TMEM272: variants seen among roughly 807,000 people sequenced by gnomAD.
The protein encoded by TMEM272 is transmembrane protein 272, also known as long intergenic non-protein coding RNA 282.
A neutral mutation model predicts 3.7 loss-of-function variants in TMEM272; 8 were observed. The ratio of observed to expected loss-of-function variants is 2.17; its 90% CI spans 1.27 to 3.91. TMEM272 has a LOEUF of 3.91. Among genes scored for constraint, TMEM272 ranks in the 30% most tolerant of loss-of-function variants. The pLI is 0.00. For missense variants in TMEM272, 166 were observed against 91.5 expected, an observed-to-expected ratio of 1.81 and a Z score of -3.32; for synonymous variants, 63 against 39.8, an observed-to-expected ratio of 1.58 and a Z score of -2.20.
the TMEM272 span, among the ~76,000 whole-genome samples, chr13:51,851,021 A>G: frequency 4.8e-3 from 725 of 152,222 alleles, 3 homozygotes; most frequent in Middle Eastern, 0.02. Flanking sequence ...TATATATTTG[A>G]TGTATGGTTA....
chr13:51,867,901 T>A, the TMEM272 span, among the ~76,000 whole-genome samples: 1 of 152,162 alleles, frequency 6.6e-6, no homozygotes. Flanking sequence ...GGAACCCCAG[T>A]GCAGAGAAAA....
the TMEM272 span, chr13:51,866,258 T>G: frequency 3.5e-6 from 2 of 576,824 alleles, no homozygotes. Flanking sequence ...CTGGCTGCAT[T>G]TTTTCCAGGT....
At chr13:51,864,801 G>C in the TMEM272 span, among the ~76,000 whole-genome samples, 1 of 152,110 alleles carries the variant, frequency 6.6e-6, no homozygotes, top group Non-Finnish European at 1.5e-5. Flanking sequence ...CATGTCCCTG[G>C]AAACATTCAC....
chr13:51,863,045 G>A, the TMEM272 span, among the ~76,000 whole-genome samples: 177 of 152,328 alleles, frequency 1.2e-3, no homozygotes, highest in African/African-American at 3.9e-3. Context: ...TGGAGGGTCC[G>A]AGTAGCTTTC....
chr13:51,923,114 T>C, the TMEM272 span, among the ~76,000 whole-genome samples: 1 of 152,196 alleles, frequency 6.6e-6, no homozygotes, highest in African/African-American at 2.4e-5. Context: ...GATGGCAATG[T>C]AACCTCACGT....
the TMEM272 span, among the ~76,000 whole-genome samples, chr13:51,897,281 C>T: frequency 6.6e-6 from 1 of 151,720 alleles, no homozygotes; most frequent in Admixed American, 6.6e-5. Flanking sequence ...TCACTGTAGC[C>T]CTGACCTAGG....
chr13:51,843,929 G>C (rs1449199465), intron 1 of TMEM272, among the ~76,000 whole-genome samples: 1 of 152,166 alleles, frequency 6.6e-6, no homozygotes, highest in African/African-American at 2.4e-5. Flanking sequence ...TCAACCAGAG[G>C]TGATCTGATC....
the TMEM272 span, among the ~76,000 whole-genome samples, chr13:51,897,434 G>C: frequency 1.2e-4 from 14 of 119,522 alleles, no homozygotes; most frequent in African/African-American, 4.4e-4. Context: ...GGCTGATCTT[G>C]AACTCCTGGG....
the TMEM272 span, among the ~76,000 whole-genome samples, chr13:51,925,937 G>A: frequency 1.3e-5 from 2 of 152,110 alleles, no homozygotes; most frequent in Non-Finnish European, 2.9e-5. Context: ...ATGGTGTGGT[G>A]CATATATGTA....
intron 4 of TMEM272, among the ~76,000 whole-genome samples, chr13:51,818,756 T>C (rs575816240): frequency 6.6e-6 from 1 of 152,360 alleles, no homozygotes; most frequent in Admixed American, 6.5e-5. Context: ...TGGAGAGTTA[T>C]TACTTATGTA....
At chr13:51,883,823 T>G in the TMEM272 span, among the ~76,000 whole-genome samples, 2 of 152,232 alleles carry the variant, frequency 1.3e-5, no homozygotes, top group East Asian at 3.8e-4. Flanking sequence ...TACACCTGGC[T>G]TGTGTTTGCC....
At chr13:51,880,585 C>T in the TMEM272 span, among the ~76,000 whole-genome samples, 1 of 152,024 alleles carries the variant, frequency 6.6e-6, no homozygotes, top group African/African-American at 2.4e-5. Flanking sequence ...CACTACCTTC[C>T]CACCCGTAGA....
chr13:51,851,097 G>A, the TMEM272 span, among the ~76,000 whole-genome samples: 21 of 152,136 alleles, frequency 1.4e-4, no homozygotes, highest in Non-Finnish European at 2.6e-4. Flanking sequence ...CACTTTGGGA[G>A]GCCAAGGCAG....
the TMEM272 span, among the ~76,000 whole-genome samples, chr13:51,928,214 T>C: frequency 6.6e-6 from 1 of 152,232 alleles, no homozygotes; most frequent in Non-Finnish European, 1.5e-5. Flanking sequence ...GAACTTCCTC[T>C]GGCCCAACAT....
the TMEM272 span, among the ~76,000 whole-genome samples, chr13:51,898,968 C>T: frequency 6.6e-6 from 1 of 152,180 alleles, no homozygotes; most frequent in African/African-American, 2.4e-5. Flanking sequence ...CTGCTGATCA[C>T]TGCTGGCCTT....
At chr13:51,859,315 T>C in the TMEM272 span, among the ~76,000 whole-genome samples, 5 of 152,052 alleles carry the variant, frequency 3.3e-5, no homozygotes, top group African/African-American at 1.2e-4. Context: ...AGTTTTGATA[T>C]AGTCCTGAGA....
chr13:51,899,848 C>T, the TMEM272 span, among the ~76,000 whole-genome samples: 6 of 152,132 alleles, frequency 3.9e-5, no homozygotes, highest in Admixed American at 1.3e-4. Flanking sequence ...AGAAATAAAT[C>T]TTTACTTTTA....
the TMEM272 span, among the ~76,000 whole-genome samples, chr13:51,914,442 G>T: frequency 2.0e-5 from 3 of 152,236 alleles, no homozygotes; most frequent in Admixed American, 1.3e-4. Context: ...CACCTTGCAG[G>T]TCTTGAGACT....
At chr13:51,930,405 A>G in the TMEM272 span, 1 of 152,234 alleles carries the variant, frequency 6.6e-6, no homozygotes, top group Non-Finnish European at 1.5e-5. Flanking sequence ...AAAGAAAAAC[A>G]GCAAAGTAGA....
Sources: gnomAD v4.1 joint callset for allele counts (sites outside exome capture counted in the v4.1 genomes callset) on GRCh38, gnomAD v4.1.1 for gene constraint, MANE v1.5 for transcripts, NCBI Gene and HGNC (gene_info 2026-07-23, HGNC 2026-07-21) for gene names.